MTUS2: variants seen among roughly 807,000 people sequenced by gnomAD.
MTUS2 encodes the protein microtubule associated scaffold protein 2.
In MTUS2, 40 loss-of-function variants were observed where a neutral mutation model predicts 114.1. The ratio of observed to expected loss-of-function variants is 0.35; its 90% confidence interval spans 0.27 to 0.46. MTUS2 has a LOEUF of 0.46. Among genes scored for constraint, MTUS2 ranks in the 20% least tolerant of loss-of-function variants. The pLI is 1.00. For synonymous variants in MTUS2, 688 were observed against 672.0 expected, an observed-to-expected ratio of 1.02 and a Z score of -0.37; for missense variants, 1,679 against 1,705.4, an observed-to-expected ratio of 0.98 and a Z score of 0.27.
rs201003310 is a variant in MTUS2, at chr13:29,026,210, A to G, written c.1512A>G (p.Thr504=). 1.1e-5 allele frequency: 17 copies of G among 1,614,012 alleles called. No homozygotes were observed. Among genetic ancestry groups the G allele is most frequent in the Non-Finnish European group, 1.1e-5 (13 of 1,179,900 alleles). ...SEARESKEVT[T]SVAENRNLLE... ...CACGGGAAAGCAAAGAGGTCACCAC[A>G]TCTGTTGCTGAAAACAGGAACCTTC... The change falls in exon 3 of 16, where the codon ACA becomes ACG. Residue 504 remains threonine, a synonymous_variant. Transcript: ENST00000612955.
intron 2 of MTUS2, among the ~76,000 whole-genome samples, chr13:28,842,997 C>G (rs1875616050): frequency 6.6e-6 from 1 of 152,206 alleles, no homozygotes; most frequent in African/African-American, 2.4e-5. Flanking sequence ...CCAGACATGC[C>G]TGTTGCCACT....
intron 7 of MTUS2, among the ~76,000 whole-genome samples, chr13:29,340,923 C>T (rs1901361830): frequency 6.6e-6 from 1 of 152,194 alleles, no homozygotes; most frequent in East Asian, 1.9e-4. Context: ...TCCTAAGTTA[C>T]TTCACTTAGA....
intron 2 of MTUS2, among the ~76,000 whole-genome samples, chr13:28,942,615 T>A (rs1047089036): frequency 6.6e-6 from 1 of 152,236 alleles, no homozygotes; most frequent in African/African-American, 2.4e-5. Context: ...ATTCTTACAA[T>A]GGAATCCTAT....
chr13:29,104,874 T>C (rs937989249), intron 5 of MTUS2, among the ~76,000 whole-genome samples: 1 of 152,202 alleles, frequency 6.6e-6, no homozygotes, highest in Non-Finnish European at 1.5e-5. Context: ...TTTTATAATG[T>C]TCAGAGATGA....
intron 8 of MTUS2, among the ~76,000 whole-genome samples, chr13:29,400,671 C>A (rs1874259332): frequency 6.6e-6 from 1 of 152,142 alleles, no homozygotes; most frequent in South Asian, 2.1e-4. Flanking sequence ...ACCAAAGTGT[C>A]ATTAGCTATT....
rs2137995279 is a variant in MTUS2, at chr13:28,843,068, C to T, written c.-243+3218C>T. Among the ~76,000 whole-genome samples the T allele has an allele frequency of 2.0e-5, 3 of 152,262 alleles. 1 individual carries two copies. In the South Asian group the frequency reaches 6.2e-4, roughly 32 times the overall value. ...ACTCTTCAATGTCTTTTTCATTTCTCAAATACTATGCATTTTAGACCAGCC... is the reference window on the plus strand; with the variant it reads ...ACTCTTCAATGTCTTTTTCATTTCTTAAATACTATGCATTTTAGACCAGCC... On this transcript the variant is annotated intron_variant, in intron 2 of 15. Transcript: ENST00000612955.
chr13:29,158,563 T>C (rs1331803272), intron 5 of MTUS2, among the ~76,000 whole-genome samples: 2 of 151,564 alleles, frequency 1.3e-5, no homozygotes, highest in Non-Finnish European at 2.9e-5. Context: ...AAGGAAGACA[T>C]GGAAGAAAAA....
chr13:29,443,438 A>G (rs60728253), intron 9 of MTUS2, among the ~76,000 whole-genome samples: 7,310 of 152,254 alleles, frequency 0.048, 569 homozygotes, highest in African/African-American at 0.17. Context: ...GATTACATTG[A>G]GTTTTGGGTT....
At chr13:29,209,318 T>C (rs1355276434) in intron 5 of MTUS2, among the ~76,000 whole-genome samples, 1 of 152,196 alleles carries the variant, frequency 6.6e-6, no homozygotes, top group South Asian at 2.1e-4. Flanking sequence ...TGAGTTCTTA[T>C]GTTGTTTGGT....
Position 29,084,793 on chromosome 13 carries a change from C to A in MTUS2, c.2447-15980C>A, listed in dbSNP as rs916742655. Among the ~76,000 whole-genome samples the A allele has an allele frequency of 1.0e-3, 75 of 74,160 alleles. 6 individuals carry two copies. The highest frequency in any genetic ancestry group is 1.5e-3 in the Admixed American group (13 of 8,536). 48.7% of individuals were successfully genotyped at this position (74,160 alleles called of 152,430 possible). On this transcript the variant is annotated intron_variant, in intron 4 of 15. Transcript: ENST00000612955. Reference sequence around the variant, plus strand: ...CCTCAGGTGATCCACCCCCCCCCCTCACCGTTGGCCTTCCAAAGTGCTGGG... The same window carrying A: ...CCTCAGGTGATCCACCCCCCCCCCTAACCGTTGGCCTTCCAAAGTGCTGGG...
intron 3 of MTUS2, among the ~76,000 whole-genome samples, chr13:29,027,564 GT>G (rs1479829661): frequency 1.3e-5 from 2 of 151,944 alleles, no homozygotes; most frequent in Admixed American, 6.5e-5. Context: ...CTTTTTCTTT[GT>G]TTTTGAGATG....
At chr13:29,375,023 A>G (rs1361483648) in intron 8 of MTUS2, among the ~76,000 whole-genome samples, 1 of 152,194 alleles carries the variant, frequency 6.6e-6, no homozygotes, top group Admixed American at 6.5e-5. Context: ...AAGAACTGTT[A>G]AAGAAATTGC....
At chr13:28,881,961 A>C (rs1440722683) in intron 2 of MTUS2, among the ~76,000 whole-genome samples, 1 of 152,236 alleles carries the variant, frequency 6.6e-6, no homozygotes, top group Non-Finnish European at 1.5e-5. Context: ...GCAATGGAGA[A>C]AGGATAATCT....
Position 28,914,988 on chromosome 13 carries a change from T to G in MTUS2, c.-243+75138T>G, listed in dbSNP as rs184224388. ...TTTATTTTGAGCCTATGTGTGTCTT[T>G]GCATATGAGATGGGTCTCTTGAAGA... On this transcript the variant is annotated intron_variant, in intron 2 of 15. Coordinates refer to ENST00000612955, the MANE Select transcript of MTUS2 (RefSeq NM_001033602.4). 2.0e-3 allele frequency among the ~76,000 whole-genome samples: 307 copies of G among 152,144 alleles called. 2 individuals carry two copies. The highest frequency in any genetic ancestry group is 4.7e-3 in the Admixed American group (72 of 15,262).
chr13:29,253,081 T>C (rs1164854814), intron 5 of MTUS2, among the ~76,000 whole-genome samples: 1 of 149,158 alleles, frequency 6.7e-6, no homozygotes, highest in Non-Finnish European at 1.5e-5. Context: ...TTTTTGGCCT[T>C]TTTTTTTTTT....
intron 6 of MTUS2, among the ~76,000 whole-genome samples, chr13:29,287,826 G>T (rs534643898): frequency 2.5e-4 from 38 of 152,202 alleles, no homozygotes; most frequent in Non-Finnish European, 4.1e-4. Context: ...TGTGGGATAG[G>T]ATGTTCTGGA....
At chr13:28,987,432 G>A (rs1884639832) in intron 2 of MTUS2, among the ~76,000 whole-genome samples, 1 of 152,138 alleles carries the variant, frequency 6.6e-6, no homozygotes, top group African/African-American at 2.4e-5. Context: ...TCACGGCTTT[G>A]AGGAGTAAAT....
chr13:29,169,980 AAATGGTTGTTTGCT>A (rs1368338013), intron 5 of MTUS2, among the ~76,000 whole-genome samples: 3 of 152,198 alleles, frequency 2.0e-5, no homozygotes, highest in Non-Finnish European at 4.4e-5. Flanking sequence ...GACAGTTAGC[AAATGGTTGTTTGCT>A]AATGTTGATA....
intron 2 of MTUS2, among the ~76,000 whole-genome samples, chr13:28,856,054 A>G (rs1194339744): frequency 6.6e-6 from 1 of 152,186 alleles, no homozygotes; most frequent in African/African-American, 2.4e-5. Flanking sequence ...ACATCTATGT[A>G]CCCTGGAAAG....
Sources: gnomAD v4.1 joint callset for allele counts (sites outside exome capture counted in the v4.1 genomes callset) on GRCh38, gnomAD v4.1.1 for gene constraint, MANE v1.5 for transcripts, NCBI Gene and HGNC (gene_info 2026-07-23, HGNC 2026-07-21) for gene names.